Variants in ZNF236 observed in about 807,000 individuals in gnomAD.
ZNF236 encodes the protein regulated by glucose.
A neutral mutation model predicts 191.2 loss-of-function variants in ZNF236; 50 were observed. The ratio of observed to expected loss-of-function variants is 0.26; its 90% confidence interval spans 0.21 to 0.33. The LOEUF is 0.33. Ranked by LOEUF, ZNF236 falls within the 10% of genes least tolerant of loss-of-function variation. The pLI is 1.00. For synonymous variants in ZNF236, 907 were observed against 928.8 expected (o/e 0.98, Z 0.43); for missense variants, 1,754 against 2,374.5 (o/e 0.74, Z 5.43).
At chr18:76,842,930 C>G (rs986602729) in intron 1 of ZNF236, among the ~76,000 whole-genome samples, 2 of 152,146 alleles carry the variant, frequency 1.3e-5, no homozygotes, top group Non-Finnish European at 2.9e-5. Flanking sequence ...CTCTGGCTCT[C>G]CCAACTTCTC....
chr18:76,870,908 A>G (rs1976565812), intron 4 of ZNF236, among the ~76,000 whole-genome samples: 1 of 152,118 alleles, frequency 6.6e-6, no homozygotes, highest in Non-Finnish European at 1.5e-5. Context: ...CACAAAGGGA[A>G]TGGTGTGACC....
intron 26 of ZNF236, among the ~76,000 whole-genome samples, chr18:76,938,685 C>T (rs573634508): frequency 5.3e-5 from 8 of 152,328 alleles, no homozygotes; most frequent in East Asian, 1.9e-4. Flanking sequence ...CTCACCGAGG[C>T]CCCCTGCACA....
At chr18:76,911,192 T>TA (rs1241064852) in intron 16 of ZNF236, among the ~76,000 whole-genome samples, 2 of 152,258 alleles carry the variant, frequency 1.3e-5, no homozygotes, top group Non-Finnish European at 2.9e-5. Flanking sequence ...ATGCTGACGT[T>TA]AAAAAATATT....
Position 76,932,986 on chromosome 18 carries a change from G to A in ZNF236, c.4595-4170G>A, listed in dbSNP as rs376376616. ...TACCTATAAATTCACCTCCACAGAC[G>A]CATGTTGGAAGTGTCACACCAGCAT... is the stretch of plus-strand genomic sequence containing the variant. On this transcript the variant is annotated intron_variant, in intron 25 of 30. Coordinates refer to ENST00000320610, the MANE Select transcript of ZNF236 (RefSeq NM_001306089.2). Among the ~76,000 whole-genome samples, 65 of 152,260 alleles carry A rather than the reference G, an allele frequency of 4.3e-4. 1 individual carries two copies. The East Asian group carries it at 4.6e-3, about 11-fold the overall frequency.
chr18:76,932,656 G>A (rs1169125851), intron 25 of ZNF236, among the ~76,000 whole-genome samples: 2 of 152,164 alleles, frequency 1.3e-5, no homozygotes, highest in Non-Finnish European at 1.5e-5. Context: ...GCAGGAAACT[G>A]GCCGTCAGCA....
intron 18 of ZNF236, 58 bp from the exon 19 acceptor site, chr18:76,915,589 T>C: frequency 3.9e-6 from 6 of 1,542,986 alleles, no homozygotes; most frequent in Non-Finnish European, 5.4e-6. Flanking sequence ...CTGCTTCTGG[T>C]TTTAAGGTAG....
chr18:76,823,721 C>T (rs146276195), intron 1 of ZNF236, among the ~76,000 whole-genome samples: 109 of 152,390 alleles, frequency 7.2e-4, no homozygotes, highest in African/African-American at 2.2e-3. Context: ...CAGGAATTGA[C>T]TTGCCTTCCA....
intron 27 of ZNF236, among the ~76,000 whole-genome samples, chr18:76,948,047 G>A (rs1968308974): frequency 6.6e-6 from 1 of 152,040 alleles, no homozygotes; most frequent in Non-Finnish European, 1.5e-5. Flanking sequence ...ATTCTGTTAA[G>A]TGTCATACAC....
chr18:76,853,526 A>G (rs1231466472), intron 3 of ZNF236, among the ~76,000 whole-genome samples: 4 of 152,130 alleles, frequency 2.6e-5, no homozygotes, highest in African/African-American at 4.8e-5. Flanking sequence ...TAACATTAAA[A>G]CCACCCATAG....
chr18:76,914,332 A>G (rs1445331171), intron 18 of ZNF236, among the ~76,000 whole-genome samples: 1 of 152,212 alleles, frequency 6.6e-6, no homozygotes, highest in Non-Finnish European at 1.5e-5. Context: ...CGGGTGATGG[A>G]CATTGGAGTT....
At position 76,958,458 on chromosome 18, in the gene ZNF236, C is replaced by T. The variant is rs568894062; in HGVS notation, c.5113-1229C>T. Among the ~76,000 whole-genome samples, 3 of 152,304 alleles carry T rather than the reference C, an allele frequency of 2.0e-5. No individual in the cohort carries two copies. In the East Asian group the frequency reaches 5.8e-4, roughly 29 times the overall value. Reference sequence around the variant, plus strand: ...CAGAAGCCAAGGTTATAAAAGCTTTCCTTTCAGCCCACTGGACAGTCTGTT... The same window carrying T: ...CAGAAGCCAAGGTTATAAAAGCTTTTCTTTCAGCCCACTGGACAGTCTGTT... On this transcript the variant is annotated intron_variant, in intron 28 of 30. Transcript: ENST00000320610.
intron 1 of ZNF236, among the ~76,000 whole-genome samples, chr18:76,847,714 C>A (rs563199527): frequency 2.5e-4 from 38 of 152,262 alleles, no homozygotes; most frequent in African/African-American, 8.9e-4. Flanking sequence ...CGTGTTCCAC[C>A]CGCCTTGGCC....
At chr18:76,920,835 G>A (rs967170198) in intron 20 of ZNF236, among the ~76,000 whole-genome samples, 3 of 152,120 alleles carry the variant, frequency 2.0e-5, no homozygotes, top group Admixed American at 6.5e-5. Flanking sequence ...GAAGAATCTG[G>A]AAACCAAGAC....
At chr18:76,893,278 G>GCA (rs1466119501) in intron 9 of ZNF236, among the ~76,000 whole-genome samples, 1 of 152,002 alleles carries the variant, frequency 6.6e-6, no homozygotes, top group Non-Finnish European at 1.5e-5. Flanking sequence ...AGGTAATTAT[G>GCA]CACATTTGTG....
At chr18:76,935,187 A>G (rs760102846) in intron 25 of ZNF236, among the ~76,000 whole-genome samples, 8 of 152,252 alleles carry the variant, frequency 5.3e-5, no homozygotes, top group Non-Finnish European at 8.8e-5. Context: ...TGCATGCTTA[A>G]GAAAATTTCA....
chr18:76,825,999 G>A (rs1163310570), intron 1 of ZNF236, among the ~76,000 whole-genome samples: 8 of 152,330 alleles, frequency 5.3e-5, no homozygotes, highest in African/African-American at 1.2e-4. Flanking sequence ...CACATTTCTC[G>A]TAAGTGAAGT....
chr18:76,904,609 C>A, intron 12 of ZNF236, 88 bp downstream of exon 12: 1 of 1,240,116 alleles, frequency 8.1e-7, no homozygotes, highest in Non-Finnish European at 1.1e-6. Flanking sequence ...AGGATGGTAG[C>A]ATTAGCTTTT....
chr18:76,858,359 T>TC (rs1003043047), intron 3 of ZNF236, among the ~76,000 whole-genome samples: 1 of 152,150 alleles, frequency 6.6e-6, no homozygotes, highest in African/African-American at 2.4e-5. Context: ...AGATCTCACC[T>TC]CCCCCCTTCT....
In ZNF236 at chr18:76,953,021, A is replaced by G. The variant is rs963926597; in HGVS notation, c.4915-2964A>G. On this transcript the variant is annotated intron_variant, in intron 27 of 30. Coordinates refer to ENST00000320610, the MANE Select transcript of ZNF236 (RefSeq NM_001306089.2). The stretch of plus-strand genomic sequence containing the variant: ...CGCTCTCTGGTGAAGTCCCTAGAGC[A>G]ACAGCCTTTGCTTTTTAAAAATCCT... 3.3e-5 allele frequency among the ~76,000 whole-genome samples: 5 copies of G among 152,324 alleles called. No individual in the cohort carries two copies. In the East Asian group the frequency reaches 9.6e-4, roughly 29 times the overall value.
Sources: gnomAD v4.1 joint callset for allele counts (sites outside exome capture counted in the v4.1 genomes callset) on GRCh38, gnomAD v4.1.1 for gene constraint, MANE v1.5 for transcripts, NCBI Gene and HGNC (gene_info 2026-07-23, HGNC 2026-07-21) for gene names.